Variants in TTC13 observed in about 807,000 individuals in gnomAD.
The protein encoded by TTC13 is tetratricopeptide repeat protein 13.
In TTC13, 62 loss-of-function variants were observed where a neutral mutation model predicts 120.0. The ratio of observed to expected loss-of-function variants is 0.52; its 90% CI spans 0.42 to 0.64. The LOEUF is 0.64. TTC13 is among the 30% of genes least tolerant of loss of function. TTC13 has a pLI of 0.00. For missense variants in TTC13, 824 were observed against 1,050.2 expected, an observed-to-expected ratio of 0.78 and a Z score of 2.98; for synonymous variants, 384 against 393.5, an observed-to-expected ratio of 0.98 and a Z score of 0.28.
At chr1:230,956,090 G>A (rs1019145327) in intron 3 of TTC13, among the ~76,000 whole-genome samples, 4 of 152,228 alleles carry the variant, frequency 2.6e-5, no homozygotes, top group Non-Finnish European at 5.9e-5. Context: ...CTGCAATGAG[G>A]TAGGTACAAT....
At chr1:230,961,664 C>T (rs1361879715) in intron 1 of TTC13, among the ~76,000 whole-genome samples, 1 of 152,148 alleles carries the variant, frequency 6.6e-6, no homozygotes, top group Non-Finnish European at 1.5e-5. Flanking sequence ...TAGTGATGTT[C>T]CTCACCACCA....
rs11122171 is a variant in TTC13 at position 230,970,927 on chromosome 1, G to C, written c.271+7633C>G. 6.4e-3 allele frequency among the ~76,000 whole-genome samples: 967 copies of C among 152,262 alleles called. 11 individuals carry two copies. Among genetic ancestry groups the C allele is most frequent in the African/African-American group, 0.021 (867 of 41,534 alleles). The stretch of plus-strand genomic sequence containing the variant: ...TATTTATTGACAATCCTAACCCCAG[G>C]TATAGGGTAAACCTGCGAAGAGAAG... On this transcript the variant is annotated intron_variant, in intron 1 of 22. Transcript: ENST00000366661.
intron 4 of TTC13, 86 bp from the exon 5 acceptor site, chr1:230,945,540 G>T (rs1049151171): frequency 7.7e-6 from 9 of 1,167,574 alleles, no homozygotes; most frequent in Non-Finnish European, 1.0e-5. Context: ...CGTTAATGCC[G>T]CAAGTGACAG....
intron 3 of TTC13, among the ~76,000 whole-genome samples, chr1:230,957,572 G>A (rs111972070): frequency 2.6e-5 from 4 of 152,298 alleles, no homozygotes; most frequent in African/African-American, 7.2e-5. Flanking sequence ...GGCCCCATGC[G>A]AAAACATGTG....
At position 230,933,714 on chromosome 1, in the gene TTC13, T is replaced by G. The variant is rs554532831; in HGVS notation, c.983+65A>C. 1.5e-4 allele frequency: 120 copies of G among 826,024 alleles called. No individual in the cohort carries two copies. In the African/African-American group the frequency reaches 1.8e-3, roughly 12 times the overall value. The allele number at this position is 826,024 out of a possible 1,614,324, so 51.2% of individuals were successfully genotyped here. On this transcript the variant is annotated intron_variant, in intron 9 of 22. Transcript: ENST00000366661. The stretch of plus-strand genomic sequence containing the variant: ...AATACTATTTCTTTTAAATATTATG[T>G]GAAGCTATCTTGTCTCCCCACTCTT...
chr1:230,914,277 G>A (rs943909410), intron 18 of TTC13, among the ~76,000 whole-genome samples: 18 of 152,058 alleles, frequency 1.2e-4, no homozygotes, highest in African/African-American at 1.7e-4. Flanking sequence ...GAGACAGCAA[G>A]ACCAACCCCT....
chr1:230,919,011 A>G (rs566674012), intron 17 of TTC13, among the ~76,000 whole-genome samples: 1 of 152,294 alleles, frequency 6.6e-6, no homozygotes, highest in Non-Finnish European at 1.5e-5. Flanking sequence ...AGGTTCACAC[A>G]GTTATAATTC....
rs749969310 is a variant in TTC13, at chr1:230,931,432, T to C, written c.1166A>G (p.Tyr389Cys). The change falls in exon 11 of 23, where the codon TAT (tyrosine) becomes TGT (cysteine). Residue 389 changes from tyrosine to cysteine, a missense_variant. By Grantham distance (194) the Tyr-to-Cys change is radical. Around this residue, in one of 4 missense-constraint regions of TTC13, gnomAD observed 430 missense variants for 626.8 expected, o/e 0.69. Transcript: ENST00000366661. ...QLEPYNEVCQ[Y>C]MKGLSHVAMG... ...GGCAACATGGCTGAGCCCTTTCATA[T>C]ACTGGCACACTTCATTATATGGCTC... is the stretch of plus-strand genomic sequence containing the variant. 17 of 1,614,106 alleles carry C rather than the reference T, an allele frequency of 1.1e-5. No individual in the cohort carries two copies. The highest frequency in any genetic ancestry group is 2.7e-5 in the African/African-American group (2 of 74,946).
At chr1:230,974,076 CAAAA>C (rs56139200) in intron 1 of TTC13, among the ~76,000 whole-genome samples, 1 of 103,722 alleles carries the variant, frequency 9.6e-6, no homozygotes. Context: ...TACTCCATCT[CAAAA>C]AAAAAAAAAA....
chr1:230,978,192 GC>G lies in TTC13; in HGVS notation c.271+367del, dbSNP rs1272480895. ...TTGCTCGTCCGCCCGCCCCTCCCTC[GC>G]CCCTTCGGCATCCTCGGGAGGCCGG... On this transcript the variant is annotated intron_variant, in intron 1 of 22. Transcript: ENST00000366661. The surrounding 1 kb of genome is among the most constrained non-coding windows in gnomAD (Gnocchi z 5.6). Among the ~76,000 whole-genome samples, 2 of 151,934 alleles carry G rather than the reference GC, an allele frequency of 1.3e-5. No homozygotes were observed. Among genetic ancestry groups the G allele is most frequent in the Non-Finnish European group, 2.9e-5 (2 of 67,952 alleles).
At position 230,906,374 on chromosome 1, in the gene TTC13, TG is replaced by T. The variant is rs1439459637; in HGVS notation, c.*530del. On this transcript the variant is annotated 3_prime_UTR_variant, in exon 23 of 23. Transcript: ENST00000366661. ...TACTGTCTGCATTGTTCAAAATAAGTGTTCCTGGCTGTGAGCTCTGCAACAC... is the reference window on the plus strand; with the variant it reads ...TACTGTCTGCATTGTTCAAAATAAGTTTCCTGGCTGTGAGCTCTGCAACAC... The T allele has an allele frequency of 6.6e-6, 1 of 152,232 alleles. No individual in the cohort carries two copies. Among genetic ancestry groups the T allele is most frequent in the Non-Finnish European group, 1.5e-5 (1 of 68,048 alleles). 9.4% of individuals were successfully genotyped at this position (152,232 alleles called of 1,614,324 possible). A position where few individuals can be genotyped will look rare whatever the true frequency, so the allele number is the denominator to read the frequency against.
chr1:230,937,938 A>G (rs1207319922), intron 8 of TTC13, among the ~76,000 whole-genome samples: 1 of 152,216 alleles, frequency 6.6e-6, no homozygotes, highest in Non-Finnish European at 1.5e-5. Context: ...ATCAACTTCA[A>G]TGCTCTGTCC....
chr1:230,976,241 C>T (rs988616752), intron 1 of TTC13, among the ~76,000 whole-genome samples: 2 of 152,172 alleles, frequency 1.3e-5, no homozygotes, highest in Non-Finnish European at 2.9e-5. Flanking sequence ...TGGATCCTGA[C>T]ATTTGTCTAG....
intron 1 of TTC13, among the ~76,000 whole-genome samples, chr1:230,964,425 A>G (rs901771439): frequency 2.6e-5 from 4 of 152,206 alleles, no homozygotes; most frequent in Non-Finnish European, 1.5e-5. Context: ...CCTCCAGAGT[A>G]CTGACATTCT....
chr1:230,965,075 C>A (rs1677003407), intron 1 of TTC13, among the ~76,000 whole-genome samples: 1 of 152,124 alleles, frequency 6.6e-6, no homozygotes, highest in Non-Finnish European at 1.5e-5. Flanking sequence ...GGGCAAAGAT[C>A]TCTTGAGTAA....
chr1:230,962,238 A>G (rs1018958250), intron 1 of TTC13, among the ~76,000 whole-genome samples: 5 of 152,018 alleles, frequency 3.3e-5, no homozygotes, highest in Non-Finnish European at 7.4e-5. Flanking sequence ...ACACACTATG[A>G]GTCCAGTATG....
At chr1:230,964,254 A>G (rs970932685) in intron 1 of TTC13, among the ~76,000 whole-genome samples, 11 of 152,164 alleles carry the variant, frequency 7.2e-5, no homozygotes, top group African/African-American at 2.7e-4. Context: ...CTTGACCTAT[A>G]TTTTTGAAAA....
At chr1:230,933,478 C>T (rs1673751463) in intron 9 of TTC13, among the ~76,000 whole-genome samples, 1 of 152,118 alleles carries the variant, frequency 6.6e-6, no homozygotes, top group Admixed American at 6.5e-5. Context: ...GTAGCAGCAG[C>T]GTCTACACCC....
chr1:230,920,475 A>G, intron 17 of TTC13, 35 bp downstream of exon 17: 1 of 1,486,794 alleles, frequency 6.7e-7, no homozygotes, highest in Non-Finnish European at 9.4e-7. Flanking sequence ...CTTTTCCTCT[A>G]AAAACATGGA....
Sources: allele counts gnomAD v4.1 joint callset (sites outside exome capture counted in the v4.1 genomes callset), GRCh38; gene constraint gnomAD v4.1.1; regional missense constraint gnomAD v4.1.1; non-coding constraint Gnocchi (gnomAD v3.1); transcripts MANE v1.5; gene names NCBI Gene and HGNC (gene_info 2026-07-23, HGNC 2026-07-21).